ZSCAN25: variants seen among roughly 807,000 people sequenced by gnomAD.
ZSCAN25 encodes the protein zinc finger and SCAN domain-containing protein 25.
ZSCAN25 carries 27 observed loss-of-function variants against 38.7 expected under a neutral mutation model. The ratio of observed to expected loss-of-function variants is 0.70; its 90% CI spans 0.51 to 0.96. The LOEUF is 0.96. Ranked by LOEUF, ZSCAN25 falls within the 40% of genes least tolerant of loss-of-function variation. The pLI, the probability that ZSCAN25 is intolerant of heterozygous loss-of-function variation, is 0.00. For missense variants in ZSCAN25, 637 were observed against 705.9 expected, an observed-to-expected ratio of 0.90 and a Z score of 1.11; for synonymous variants, 273 against 277.7, an observed-to-expected ratio of 0.98 and a Z score of 0.17.
Position 99,631,829 on chromosome 7 carries a change from T to G in ZSCAN25, c.*1809T>G, listed in dbSNP as rs1808022281. The G allele has an allele frequency of 1.0e-6, 1 of 985,342 alleles. No homozygotes were observed. Among genetic ancestry groups the G allele is most frequent in the Admixed American group, 6.1e-5 (1 of 16,272 alleles). The allele number at this position is 985,342 out of a possible 1,614,324, so 61.0% of individuals were successfully genotyped here. On this transcript the variant is annotated 3_prime_UTR_variant, in exon 8 of 8. Transcript: ENST00000394152. The stretch of plus-strand genomic sequence containing the variant: ...GCACTGACTGGGTCGTAAATGTATC[T>G]GAGATGTCCACACGGGGCTGCTGCT...
At chr7:99,623,817 C>CT (rs1433686232) in intron 6 of ZSCAN25, among the ~76,000 whole-genome samples, 1 of 152,176 alleles carries the variant, frequency 6.6e-6, no homozygotes, top group Non-Finnish European at 1.5e-5. Context: ...CTGCCAGGCT[C>CT]TGTCAAGCAT....
the ZSCAN25 span, among the ~76,000 whole-genome samples, chr7:99,685,869 G>A: frequency 4.6e-5 from 7 of 152,326 alleles, no homozygotes; most frequent in South Asian, 2.1e-4. Flanking sequence ...CCAGCATCAC[G>A]TTCTTTCCAG....
At chr7:99,736,807 C>T in the ZSCAN25 span, among the ~76,000 whole-genome samples, 2 of 152,160 alleles carry the variant, frequency 1.3e-5, no homozygotes, top group Non-Finnish European at 1.5e-5. Context: ...GAACATCATG[C>T]CAGATTCCTT....
chr7:99,686,766 G>A, the ZSCAN25 span, among the ~76,000 whole-genome samples: 1 of 152,132 alleles, frequency 6.6e-6, no homozygotes, highest in Non-Finnish European at 1.5e-5. Context: ...CCCCCAGTAG[G>A]GGCAGACTGA....
At position 99,630,341 on chromosome 7, in the gene ZSCAN25, T is replaced by G; in HGVS notation, c.*321T>G. On this transcript the variant is annotated 3_prime_UTR_variant, in exon 8 of 8. Coordinates refer to ENST00000394152, the MANE Select transcript of ZSCAN25 (RefSeq NM_145115.3). Reference sequence around the variant, plus strand: ...AAAGCTGGGAGTAAAGGCAAAACCTTGACACGTGTTGGTAGCTGGGACCTC... The same window carrying G: ...AAAGCTGGGAGTAAAGGCAAAACCTGGACACGTGTTGGTAGCTGGGACCTC... The G allele has an allele frequency of 1.8e-6, 2 of 1,117,130 alleles. No homozygotes were observed. The highest frequency in any genetic ancestry group is 2.2e-6 in the Non-Finnish European group (2 of 912,754). 69.2% of individuals were successfully genotyped at this position (1,117,130 alleles called of 1,614,324 possible).
chr7:99,644,301 C>T, the ZSCAN25 span, among the ~76,000 whole-genome samples: 5 of 152,026 alleles, frequency 3.3e-5, no homozygotes, highest in Non-Finnish European at 7.4e-5. Context: ...TGACTGATGC[C>T]AAGCAGAGCA....
chr7:99,635,081 C>G (rs951340994), downstream of ZSCAN25, among the ~76,000 whole-genome samples: 1 of 151,892 alleles, frequency 6.6e-6, no homozygotes, highest in Non-Finnish European at 1.5e-5. Flanking sequence ...TTAAACTTTG[C>G]CAGGGTTTCT....
chr7:99,692,764 T>C, the ZSCAN25 span, among the ~76,000 whole-genome samples: 1 of 152,226 alleles, frequency 6.6e-6, no homozygotes, highest in African/African-American at 2.4e-5. Context: ...AAGGTCTTCT[T>C]GACACTGTTT....
At chr7:99,632,436 C>A, downstream of ZSCAN25, 1 of 252,930 alleles carries the variant, frequency 4.0e-6, no homozygotes, top group Non-Finnish European at 6.2e-6. Flanking sequence ...CCTTCCTCCC[C>A]GTCTTCCTCC....
Position 99,630,678 on chromosome 7 carries a change from A to G in ZSCAN25, c.*658A>G, listed in dbSNP as rs1459022737. ...CCCAGCTGGGATCTGCTCCCAGGCA[A>G]CTGTGTGAATTTTACATTATTTGGA... On this transcript the variant is annotated 3_prime_UTR_variant, in exon 8 of 8. Transcript: ENST00000394152. The G allele has an allele frequency of 3.0e-6, 3 of 985,436 alleles. No individual in the cohort carries two copies. The highest frequency in any genetic ancestry group is 1.7e-5 in the African/African-American group (1 of 57,230). 61.0% of individuals were successfully genotyped at this position (985,436 alleles called of 1,614,324 possible). A position where few individuals can be genotyped will look rare whatever the true frequency, so the allele number is the denominator to read the frequency against.
chr7:99,728,894 C>T, the ZSCAN25 span, among the ~76,000 whole-genome samples: 1 of 152,084 alleles, frequency 6.6e-6, no homozygotes, highest in Non-Finnish European at 1.5e-5. Flanking sequence ...TTTATCAGTC[C>T]TTCAGACCCA....
At chr7:99,636,378 C>T (rs1261834526), downstream of ZSCAN25, among the ~76,000 whole-genome samples, 1 of 152,182 alleles carries the variant, frequency 6.6e-6, no homozygotes, top group Non-Finnish European at 1.5e-5. Context: ...CAGGAGCCTA[C>T]ATGAGAATAA....
At chr7:99,685,523 A>ATAT in the ZSCAN25 span, among the ~76,000 whole-genome samples, 1 of 152,214 alleles carries the variant, frequency 6.6e-6, no homozygotes, top group Non-Finnish European at 1.5e-5. Context: ...CCTTGCAGAA[A>ATAT]TATTTTTGTG....
chr7:99,630,197 T>A lies in ZSCAN25; in HGVS notation c.*177T>A. On this transcript the variant is annotated 3_prime_UTR_variant, in exon 8 of 8. Coordinates refer to ENST00000394152, the MANE Select transcript of ZSCAN25 (RefSeq NM_145115.3). ...TCCAGAGAGCATAGCTGCTTCCATC[T>A]CTTACCCAAGTGGTGCTAAACAATT... 1 of 1,385,778 alleles carries A rather than the reference T, an allele frequency of 7.2e-7. No individual in the cohort carries two copies. The highest frequency in any genetic ancestry group is 9.3e-7 in the Non-Finnish European group (1 of 1,075,782). The allele number at this position is 1,385,778 out of a possible 1,614,324, so 85.8% of individuals were successfully genotyped here. A position where few individuals can be genotyped will look rare whatever the true frequency, so the allele number is the denominator to read the frequency against.
chr7:99,649,538 C>T, the ZSCAN25 span, among the ~76,000 whole-genome samples: 2 of 152,180 alleles, frequency 1.3e-5, no homozygotes, highest in Admixed American at 6.5e-5. Flanking sequence ...TCATTCTCCA[C>T]CTTGGCTTCA....
the ZSCAN25 span, chr7:99,671,883 G>C: frequency 1.9e-5 from 13 of 701,630 alleles, no homozygotes; most frequent in African/African-American, 8.7e-5. Flanking sequence ...ACAAATCTAC[G>C]AATGTGAAAA....
chr7:99,636,320 A>G (rs1294744866), downstream of ZSCAN25, among the ~76,000 whole-genome samples: 1 of 152,218 alleles, frequency 6.6e-6, no homozygotes, highest in African/African-American at 2.4e-5. Context: ...GAAACTGAGA[A>G]CTTCGTACTT....
the ZSCAN25 span, chr7:99,720,696 C>A: frequency 2.3e-4 from 81 of 358,778 alleles, no homozygotes; most frequent in Admixed American, 3.9e-4. Flanking sequence ...GACAGGAGAG[C>A]ATTTGTTAAG....
chr7:99,685,219 C>G, the ZSCAN25 span: 1 of 1,613,548 alleles, frequency 6.2e-7, no homozygotes, highest in Non-Finnish European at 8.5e-7. Flanking sequence ...TCCTCCTAAG[C>G]GTAATTTCAG....
Sources: gnomAD v4.1 joint callset for allele counts (sites outside exome capture counted in the v4.1 genomes callset) on GRCh38, gnomAD v4.1.1 for gene constraint, MANE v1.5 for transcripts, NCBI Gene and HGNC (gene_info 2026-07-23, HGNC 2026-07-21) for gene names.